The following DENND2C variants were observed in gnomAD, a reference collection of about 807,000 sequenced individuals.
DENND2C encodes DENN domain-containing protein 2C.
DENND2C carries 72 observed loss-of-function variants against 112.4 expected under a neutral mutation model. The observed-to-expected ratio is 0.64, with a 90% CI of 0.53 to 0.78. The LOEUF (loss-of-function observed/expected upper bound fraction) is 0.78, where lower values mean the gene tolerates loss of function less well. Among genes scored for constraint, DENND2C ranks in the 30% least tolerant of loss-of-function variants. The pLI is 0.00. For synonymous variants in DENND2C, 329 were observed against 381.6 expected (o/e 0.86, Z 1.61); for missense variants, 992 against 1,113.8 (o/e 0.89, Z 1.56).
At chr1:114,648,360 C>T (rs917093129) in intron 2 of DENND2C, among the ~76,000 whole-genome samples, 6 of 152,246 alleles carry the variant, frequency 3.9e-5, no homozygotes, top group Non-Finnish European at 5.9e-5. Context: ...CTGTGTTCTC[C>T]GAGTTTCAGC....
Position 114,585,585 on chromosome 1 carries a change from A to G in DENND2C, c.*15T>C, listed in dbSNP as rs769788635. ...ACTTTCTGTTGTATATTCAGGATGG[A>G]GACAATCAGAGATTTCATTTCTTTT... is the stretch of plus-strand genomic sequence containing the variant. On this transcript the variant is annotated 3_prime_UTR_variant, in exon 21 of 21. Coordinates refer to ENST00000393274, the MANE Select transcript of DENND2C (RefSeq NM_001256404.2). The G allele has an allele frequency of 3.1e-6, 5 of 1,613,506 alleles. No homozygotes were observed. The African/African-American group carries it at 6.7e-5, about 22-fold the overall frequency.
intron 14 of DENND2C, 110 bp from the exon 15 acceptor site, chr1:114,600,462 T>G: frequency 7.1e-7 from 1 of 1,413,422 alleles, no homozygotes; most frequent in Non-Finnish European, 9.7e-7. Context: ...AAAGGTCTGC[T>G]ACACGGGGTC....
intron 1 of DENND2C, among the ~76,000 whole-genome samples, 184 bp from the exon 2 acceptor site, chr1:114,654,945 A>C (rs1657268550): frequency 6.6e-6 from 1 of 152,180 alleles, no homozygotes; most frequent in Non-Finnish European, 1.5e-5. Context: ...AAAACGCTCT[A>C]TTTAAGCAGC....
chr1:114,664,920 C>T (rs1657604220), intron 1 of DENND2C, among the ~76,000 whole-genome samples: 1 of 107,904 alleles, frequency 9.3e-6, no homozygotes, highest in African/African-American at 3.8e-5. Context: ...TGGTGAAACC[C>T]CATCTCTACC....
intron 8 of DENND2C, among the ~76,000 whole-genome samples, chr1:114,612,692 A>G (rs998545483): frequency 1.3e-5 from 2 of 151,796 alleles, no homozygotes; most frequent in Non-Finnish European, 2.9e-5. Flanking sequence ...GCTAATTTTT[A>G]TATTTTTAGT....
At chr1:114,593,524 A>G (rs1655251700) in intron 18 of DENND2C, among the ~76,000 whole-genome samples, 1 of 152,142 alleles carries the variant, frequency 6.6e-6, no homozygotes, top group African/African-American at 2.4e-5. Context: ...GTGGCTCACA[A>G]CTGTAATTCC....
Position 114,626,124 on chromosome 1 carries a change from T to C in DENND2C, c.-140A>G. 2 of 898,576 alleles carry C rather than the reference T, an allele frequency of 2.2e-6. No homozygotes were observed. The highest frequency in any genetic ancestry group is 2.3e-5 in the South Asian group (1 of 43,514). 55.7% of individuals were successfully genotyped at this position (898,576 alleles called of 1,614,324 possible). On this transcript the variant is annotated 5_prime_UTR_variant, in exon 4 of 21. Coordinates refer to ENST00000393274, the MANE Select transcript of DENND2C (RefSeq NM_001256404.2). ...TTCATGTTTAACTTGTAAATCTCTT[T>C]GTAAAAAGAAAATTTTGATCAGTGA...
intron 8 of DENND2C, among the ~76,000 whole-genome samples, chr1:114,617,746 A>T (rs2101660518): frequency 6.6e-6 from 1 of 152,276 alleles, no homozygotes; most frequent in South Asian, 2.1e-4. Context: ...GAAAAAAAAA[A>T]AGACTAATGT....
At chr1:114,659,987 C>T (rs1442982186) in intron 1 of DENND2C, among the ~76,000 whole-genome samples, 4 of 152,084 alleles carry the variant, frequency 2.6e-5, no homozygotes, top group Non-Finnish European at 5.9e-5. Flanking sequence ...GACTGGGTTT[C>T]GCCATGTTGC....
intron 3 of DENND2C, among the ~76,000 whole-genome samples, chr1:114,626,544 T>A (rs1451483895): frequency 7.2e-6 from 1 of 139,510 alleles, no homozygotes; most frequent in African/African-American, 2.7e-5. Context: ...AGAGTCTCGC[T>A]CTGTCACTAA....
chr1:114,631,639 G>A (rs562384134), intron 3 of DENND2C, among the ~76,000 whole-genome samples: 5 of 151,996 alleles, frequency 3.3e-5, no homozygotes, highest in Admixed American at 6.6e-5. Flanking sequence ...AAAATTAACC[G>A]GGAGTGGTGG....
intron 2 of DENND2C, among the ~76,000 whole-genome samples, chr1:114,646,395 A>G (rs1438153384): frequency 6.6e-6 from 1 of 152,236 alleles, no homozygotes; most frequent in Non-Finnish European, 1.5e-5. Context: ...AACTTTAAAA[A>G]ATACTTTTCC....
chr1:114,634,255 T>C (rs1353087686), intron 3 of DENND2C, among the ~76,000 whole-genome samples: 2 of 152,248 alleles, frequency 1.3e-5, no homozygotes, highest in South Asian at 2.1e-4. Context: ...AAGATTTCAA[T>C]ATCACTATCA....
At position 114,630,094 on chromosome 1, in the gene DENND2C, C is replaced by A. The variant is rs192463188; in HGVS notation, c.-204-3906G>T. Among the ~76,000 whole-genome samples, 780 of 151,994 alleles carry A rather than the reference C, an allele frequency of 5.1e-3. 4 individuals are homozygous for A. Among genetic ancestry groups the A allele is most frequent in the Middle Eastern group, 0.02 (6 of 294 alleles). On this transcript the variant is annotated intron_variant, in intron 3 of 20. Coordinates refer to ENST00000393274, the MANE Select transcript of DENND2C (RefSeq NM_001256404.2). Reference sequence around the variant, plus strand: ...CTTTGGGAGGCTGAGGCGGGCGGATCATGAGGTCAAGAGATTGAGACCATC... The same window carrying A: ...CTTTGGGAGGCTGAGGCGGGCGGATAATGAGGTCAAGAGATTGAGACCATC...
chr1:114,617,284 AT>A (rs529350101), intron 8 of DENND2C, among the ~76,000 whole-genome samples: 10 of 152,102 alleles, frequency 6.6e-5, no homozygotes, highest in Non-Finnish European at 1.3e-4. Context: ...TGTAAGTTTT[AT>A]CTAGGCATCT....
chr1:114,656,241 T>G (rs1657322361), intron 1 of DENND2C, among the ~76,000 whole-genome samples: 2 of 151,910 alleles, frequency 1.3e-5, no homozygotes, highest in African/African-American at 4.8e-5. Context: ...GCTAATTGTT[T>G]AAAAACTTTT....
chr1:114,649,917 C>T (rs1482907288), intron 2 of DENND2C, among the ~76,000 whole-genome samples: 1 of 152,184 alleles, frequency 6.6e-6, no homozygotes, highest in Non-Finnish European at 1.5e-5. Context: ...CCAACATGGT[C>T]ACTGGGACAT....
At chr1:114,638,833 G>C (rs984372795) in intron 3 of DENND2C, among the ~76,000 whole-genome samples, 34 of 149,174 alleles carry the variant, frequency 2.3e-4, no homozygotes, top group African/African-American at 7.4e-4. Context: ...CAGAAAATCA[G>C]TAAATATATA....
rs1195696550 is a variant in DENND2C at position 114,600,828 on chromosome 1, C to T, written c.1948G>A (p.Gly650Arg). Residue 650 changes from glycine to arginine, a missense_variant, in exon 14 of 21, where the codon GGA (glycine) becomes AGA (arginine). Gly to Arg is a moderately radical substitution (Grantham distance 125, BLOSUM62 -2). Around this residue, in one of 3 missense-constraint regions of DENND2C, gnomAD observed 516 missense variants for 623.6 expected, o/e 0.83. Transcript: ENST00000393274. ...AAAATGAGCTAACTTACCTCATCTC[C>T]AGCCCCAGGGAGGTAACTCTTAACT... is the stretch of plus-strand genomic sequence containing the variant. ...ITVKSYLPGA[G>R]DESIELCRPL... is the part of the protein sequence containing the mutation. 1.2e-6 allele frequency: 2 copies of T among 1,611,592 alleles called. No homozygotes were observed. The highest frequency in any genetic ancestry group is 1.3e-5 in the African/African-American group (1 of 74,944).
Sources: allele counts gnomAD v4.1 joint callset (sites outside exome capture counted in the v4.1 genomes callset), GRCh38; gene constraint gnomAD v4.1.1; regional missense constraint gnomAD v4.1.1; transcripts MANE v1.5; gene names NCBI Gene and HGNC (gene_info 2026-07-23, HGNC 2026-07-21).